NSUN2: variants seen among roughly 807,000 people sequenced by gnomAD.
The protein encoded by NSUN2 is NOP2/Sun RNA methyltransferase 2, also known as RNA cytosine C(5)-methyltransferase NSUN2.
Under a neutral mutation model 92.7 loss-of-function variants are expected in NSUN2, and 63 were observed. The observed-to-expected ratio is 0.68, with a 90% CI of 0.56 to 0.84. The LOEUF (loss-of-function observed/expected upper bound fraction) is 0.84. Among genes scored for constraint, NSUN2 ranks in the 40% least tolerant of loss-of-function variants. The pLI, the probability that NSUN2 is intolerant of heterozygous loss-of-function variation, is 0.00. For synonymous variants in NSUN2, 356 were observed against 348.3 expected (o/e 1.02, Z -0.25); for missense variants, 989 against 964.9 (o/e 1.02, Z -0.33).
Position 6,600,100 on chromosome 5 carries a change from C to A in NSUN2, c.2130G>T (p.Lys710Asn), listed in dbSNP as rs765960947. 3.6e-5 allele frequency: 58 copies of A among 1,614,104 alleles called. No homozygotes were observed. The highest frequency in any genetic ancestry group is 3.6e-4 in the East Asian group (16 of 44,904). ...RMMGLEVLGEKKKEGVILTNE... is the reference protein window; with the variant it reads ...RMMGLEVLGENKKEGVILTNE... ...TTGTGAGGATAACCCCTTCCTTCTT[C>A]TTTTCTCCCAATACCTCCAGCCCCA... Residue 710 changes from lysine (K) to asparagine (N), a missense_variant, in exon 19 of 19, where the codon AAG (lysine) becomes AAT (asparagine). Lys to Asn is a moderately conservative substitution (Grantham distance 94). Around this residue, in one of 3 missense-constraint regions of NSUN2, gnomAD observed 626 missense variants for 602.3 expected, o/e 1.04. Coordinates refer to ENST00000264670, the MANE Select transcript of NSUN2 (RefSeq NM_017755.6).
chr5:6,622,106 A>T lies in NSUN2; in HGVS notation c.538-6T>A, dbSNP rs745348128. 1.2e-6 allele frequency: 2 copies of T among 1,606,634 alleles called. No individual in the cohort carries two copies. ...GCTGCACACATATCTAAGATCTATT[A>T]ACAAAGCAAGAAACTGTTTCATGTT... On this transcript the variant is annotated splice_region_variant and splice_polypyrimidine_tract_variant and intron_variant, in intron 5 of 18. Coordinates refer to ENST00000264670, the MANE Select transcript of NSUN2 (RefSeq NM_017755.6).
In NSUN2 at chr5:6,611,729, C is replaced by T. The variant is rs1014981726; in HGVS notation, c.1091G>A (p.Trp364Ter). 4 of 1,613,900 alleles carry T rather than the reference C, an allele frequency of 2.5e-6. No individual in the cohort carries two copies. Among genetic ancestry groups the T allele is most frequent in the Non-Finnish European group, 3.4e-6 (4 of 1,179,920 alleles). The stretch of plus-strand genomic sequence containing the variant: ...AAGTTCTCGAGGAAAGGTTACCTTC[C>T]ACTGTGTGATTCCAGGCATCCACTT... ...GLKWMPGITQ[W>*]KVMTKDGQWF... is the part of the protein sequence containing the mutation. The change falls in exon 10 of 19, where the codon TGG (tryptophan) becomes TAG (stop). Residue 364 changes from tryptophan (W) to a stop codon, truncating the protein, a stop_gained. Transcript: ENST00000264670. LOFTEE classifies it high-confidence loss of function.
intron 3 of NSUN2, among the ~76,000 whole-genome samples, chr5:6,626,518 C>G (rs554471494): frequency 1.3e-5 from 2 of 151,934 alleles, no homozygotes; most frequent in African/African-American, 4.8e-5. Context: ...GGATTACAGA[C>G]GTGTATTTTC....
At chr5:6,626,604 C>T (rs966868451) in intron 3 of NSUN2, among the ~76,000 whole-genome samples, 2 of 152,178 alleles carry the variant, frequency 1.3e-5, no homozygotes, top group African/African-American at 2.4e-5. Flanking sequence ...CCGCATCAGT[C>T]TCCCAAAGTG....
chr5:6,622,023 G>A lies in NSUN2; in HGVS notation c.615C>T (p.Pro205=), dbSNP rs773951967. The A allele has an allele frequency of 6.8e-6, 11 of 1,613,546 alleles. No individual in the cohort carries two copies. In the Admixed American group the frequency reaches 1.7e-4, roughly 24 times the overall value. Residue 205 remains proline, a synonymous_variant, in exon 6 of 19, where the codon CCC becomes CCT. Coordinates refer to ENST00000264670, the MANE Select transcript of NSUN2 (RefSeq NM_017755.6). The part of the protein sequence containing the change: ...IEMLHADMNV[P]FPEGFVIAND... ...CACAAGTCCAATGCATACCTGGAAAGGGGACATTCATGTCGGCATGTAGCA... is the reference window on the plus strand; with the variant it reads ...CACAAGTCCAATGCATACCTGGAAAAGGGACATTCATGTCGGCATGTAGCA...
rs908160352 is a variant in NSUN2, at chr5:6,611,019, T to C, written c.1162A>G (p.Ile388Val). ...TTCGGAGGGAACATGGTAGGTCGGA[T>C]CTGGGTGTGTCTGCTGTGAGGAACA... is the stretch of plus-strand genomic sequence containing the variant. ...DAVPHSRHTQIRPTMFPPKDP... is the reference protein window; with the variant it reads ...DAVPHSRHTQVRPTMFPPKDP... Residue 388 changes from isoleucine to valine, a missense_variant, in exon 11 of 19, where the codon ATC becomes GTC. Physicochemically the swap from Ile to Val is conservative, Grantham distance 29 (BLOSUM62 3). This residue lies in a region of NSUN2 where 626 missense variants were observed against 602.3 expected (regional missense o/e 1.04). Coordinates refer to ENST00000264670, the MANE Select transcript of NSUN2 (RefSeq NM_017755.6). The C allele has an allele frequency of 6.2e-7, 1 of 1,614,192 alleles. No individual in the cohort carries two copies. The highest frequency in any genetic ancestry group is 8.5e-7 in the Non-Finnish European group (1 of 1,180,038).
intron 17 of NSUN2, among the ~76,000 whole-genome samples, chr5:6,602,934 G>T (rs970359797): frequency 6.6e-6 from 1 of 152,156 alleles, no homozygotes; most frequent in Non-Finnish European, 1.5e-5. Context: ...GTATAAACAG[G>T]TCCTTTATCC....
Position 6,620,157 on chromosome 5 carries a change from C to A in NSUN2, c.764G>T (p.Gly255Val), listed in dbSNP as rs375926964. Residue 255 changes from glycine to valine, a missense_variant, in exon 7 of 19, where the codon GGC (glycine) becomes GTC (valine). By Grantham distance (109) the Gly-to-Val change is moderately radical (BLOSUM62 -3). This residue lies in a region of NSUN2 where 356 missense variants were observed against 338.6 expected (regional missense o/e 1.05). Transcript: ENST00000264670. ...SIPRLQIDVD[G>V]RKEILFYDRI... ...ATCATAGAAGAGGATCTCTTTCCTG[C>A]CGTCCACATCTATCTGGAGCCTGGG... is the stretch of plus-strand genomic sequence containing the variant. The A allele has an allele frequency of 1.1e-5, 17 of 1,610,090 alleles. No individual in the cohort carries two copies. Among genetic ancestry groups the A allele is most frequent in the Non-Finnish European group, 1.4e-5 (17 of 1,178,426 alleles).
intron 10 of NSUN2, among the ~76,000 whole-genome samples, chr5:6,611,472 C>G (rs983649938): frequency 1.8e-5 from 1 of 55,932 alleles, no homozygotes; most frequent in African/African-American, 6.8e-5. Context: ...AAAAGCAAAG[C>G]TACCCTTACA....
rs751858691 is a variant in NSUN2, at chr5:6,617,922, G to C, written c.890+28C>G. The C allele has an allele frequency of 1.9e-5, 30 of 1,542,104 alleles. No homozygotes were observed. In the South Asian group the frequency reaches 3.2e-4, roughly 17 times the overall value. ...TCTCTGCTGATCTACTTGTCACACA[G>C]TGTTAGCAGTGATGAAGTTTTACTT... On this transcript the variant is annotated intron_variant, in intron 8 of 18. Transcript: ENST00000264670.
intron 12 of NSUN2, among the ~76,000 whole-genome samples, chr5:6,607,914 T>C (rs1560974035): frequency 6.6e-6 from 1 of 152,220 alleles, no homozygotes; most frequent in African/African-American, 2.4e-5. Context: ...ATTAGGGCCA[T>C]GGTATAATTT....
intron 16 of NSUN2, 137 bp downstream of exon 16, chr5:6,604,468 T>C: frequency 2.1e-6 from 2 of 947,268 alleles, no homozygotes; most frequent in South Asian, 1.5e-5. Context: ...CTCTATAACC[T>C]GTGAGGGTCA....
Position 6,616,757 on chromosome 5 carries a change from C to A in NSUN2, c.991G>T (p.Val331Phe), listed in dbSNP as rs1737228880. The change falls in exon 9 of 19, where the codon GTC becomes TTC. Residue 331 changes from valine to phenylalanine, a missense_variant. Around this residue, in one of 3 missense-constraint regions of NSUN2, gnomAD observed 626 missense variants for 602.3 expected, o/e 1.04. Transcript: ENST00000264670. The stretch of plus-strand genomic sequence containing the variant: ...CTTTTTTCCAGTAAAGATGCTATGA[C>A]TGCTTCATCCTCAATAGGGTTTAGT... Reference protein sequence around the residue: ...CSLNPIEDEAVIASLLEKSEG... With the variant: ...CSLNPIEDEAFIASLLEKSEG... The A allele has an allele frequency of 6.6e-7, 1 of 1,505,856 alleles. No homozygotes were observed. The highest frequency in any genetic ancestry group is 2.0e-5 in the Admixed American group (1 of 50,616). 93.3% of individuals were successfully genotyped at this position (1,505,856 alleles called of 1,614,324 possible). A position where few individuals can be genotyped will look rare whatever the true frequency, so the allele number is the denominator to read the frequency against.
At chr5:6,614,707 G>A (rs1223166282) in intron 9 of NSUN2, among the ~76,000 whole-genome samples, 3 of 152,146 alleles carry the variant, frequency 2.0e-5, no homozygotes, top group Non-Finnish European at 4.4e-5. Context: ...CAAGTAACCC[G>A]GTCTGACAGC....
In NSUN2 at chr5:6,610,491, C is replaced by T. The variant is rs992149245; in HGVS notation, c.1226+464G>A. On this transcript the variant is annotated intron_variant, in intron 11 of 18. Coordinates refer to ENST00000264670, the MANE Select transcript of NSUN2 (RefSeq NM_017755.6). ...ATAACCTGAGGTTGGGAGTTCAACA[C>T]CAGCCTGGCCAACGTGGTGAAACCC... Among the ~76,000 whole-genome samples the T allele has an allele frequency of 2.0e-4, 31 of 152,120 alleles. No homozygotes were observed. In the East Asian group the frequency reaches 6.0e-3, roughly 30 times the overall value.
chr5:6,628,813 C>G (rs556158437), intron 3 of NSUN2, among the ~76,000 whole-genome samples: 1 of 152,268 alleles, frequency 6.6e-6, no homozygotes, highest in East Asian at 1.9e-4. Context: ...GAAACCAAGG[C>G]AGGAAGATTG....
At chr5:6,615,009 A>G (rs905378169) in intron 9 of NSUN2, among the ~76,000 whole-genome samples, 7 of 152,120 alleles carry the variant, frequency 4.6e-5, no homozygotes, top group Non-Finnish European at 1.0e-4. Flanking sequence ...GCCAACACAG[A>G]CTTAGGAGAG....
chr5:6,625,602 C>T lies in NSUN2; in HGVS notation c.427G>A (p.Glu143Lys). The change falls in exon 4 of 19, where the codon GAA becomes AAA. Residue 143 changes from glutamate (E) to lysine (K), a missense_variant. Transcript: ENST00000264670. ...RKILRKSPHLEKFHQFLVSET... is the reference protein window; with the variant it reads ...RKILRKSPHLKKFHQFLVSET... ...CTAACTAGAAACTGATGAAACTTTT[C>T]CAAGTGTGGCGATTTTCTCAAGATT... 1 of 1,614,144 alleles carries T rather than the reference C, an allele frequency of 6.2e-7. No individual in the cohort carries two copies. Among genetic ancestry groups the T allele is most frequent in the Non-Finnish European group, 8.5e-7 (1 of 1,179,992 alleles).
chr5:6,625,716 T>A (rs374196256), intron 3 of NSUN2, 47 bp from the exon 4 acceptor site: 355 of 1,391,416 alleles, frequency 2.6e-4, no homozygotes, highest in Non-Finnish European at 3.5e-4. Context: ...AATACTAAAG[T>A]CGTCTGTTGA....
Sources: allele counts gnomAD v4.1 joint callset (sites outside exome capture counted in the v4.1 genomes callset), GRCh38; gene constraint gnomAD v4.1.1; regional missense constraint gnomAD v4.1.1; transcripts MANE v1.5; gene names NCBI Gene and HGNC (gene_info 2026-07-23, HGNC 2026-07-21).